The following MYOM2 variants were observed in gnomAD, a reference collection of about 807,000 sequenced individuals.
MYOM2 encodes myomesin-2.
Under a neutral mutation model 187.6 loss-of-function variants are expected in MYOM2, and 254 were observed. That is an observed-to-expected ratio of 1.35 (90% CI 1.22 to 1.50). The LOEUF (loss-of-function observed/expected upper bound fraction) is 1.50, where lower values mean the gene tolerates loss of function less well. Among genes scored for constraint, MYOM2 ranks in the 40% most tolerant of loss-of-function variants. MYOM2 has a pLI of 0.00. For missense variants in MYOM2, 2,796 were observed against 1,924.0 expected, an observed-to-expected ratio of 1.45 and a Z score of -8.48; for synonymous variants, 981 against 753.8, an observed-to-expected ratio of 1.30 and a Z score of -4.94.
At chr8:2,125,521 C>T (rs759520396) in intron 31 of MYOM2, among the ~76,000 whole-genome samples, 1 of 151,790 alleles carries the variant, frequency 6.6e-6, no homozygotes, top group Admixed American at 6.6e-5. Flanking sequence ...AGTGCGATGC[C>T]TCCAGCTTTG....
At chr8:2,051,521 G>A (rs776232743) in intron 2 of MYOM2, among the ~76,000 whole-genome samples, 1 of 152,236 alleles carries the variant, frequency 6.6e-6, no homozygotes, top group Non-Finnish European at 1.5e-5. Flanking sequence ...CCAGGTGCCT[G>A]CCTCATGTCA....
rs1451482849 is a variant in MYOM2 at position 2,144,940 on chromosome 8, C to G, written c.4357C>G (p.Pro1453Ala). ...PDMAPPQQAK[P>A]KLIPASASAA... ...CATGGCCCCGCCCCAGCAAGCCAAG[C>G]CCAAGCTCATCCCCGCGTCTGCCTC... is the stretch of plus-strand genomic sequence containing the variant. Residue 1453 changes from proline to alanine, a missense_variant, in exon 37 of 37, where the codon CCC (proline) becomes GCC (alanine). By Grantham distance (27) the Pro-to-Ala change is conservative (BLOSUM62 -1). Transcript: ENST00000262113. The G allele has an allele frequency of 6.2e-7, 1 of 1,614,190 alleles. No individual in the cohort carries two copies. The highest frequency in any genetic ancestry group is 1.7e-5 in the Admixed American group (1 of 60,024).
intron 14 of MYOM2, among the ~76,000 whole-genome samples, chr8:2,086,538 G>GGCCACACACTGTCATGATCT (rs1796081909): frequency 1.2e-5 from 1 of 80,262 alleles, no homozygotes; most frequent in Non-Finnish European, 3.2e-5. Context: ...TGTCGTGTTT[G>GGCCACACACTGTCATGATCT]CTGTGTTTTA....
chr8:2,073,398 C>G lies in MYOM2; in HGVS notation c.1018C>G (p.Leu340Val). 4 of 1,613,434 alleles carry G rather than the reference C, an allele frequency of 2.5e-6. No homozygotes were observed. Among genetic ancestry groups the G allele is most frequent in the Non-Finnish European group, 3.4e-6 (4 of 1,179,788 alleles). The change falls in exon 10 of 37, where the codon CTG (leucine) becomes GTG (valine). Residue 340 changes from leucine (L) to valine (V), a missense_variant. Coordinates refer to ENST00000262113, the MANE Select transcript of MYOM2 (RefSeq NM_003970.4). The part of the protein sequence containing the change: ...KMFFGEGQAS[L>V]SFSHLHKDDE... The stretch of plus-strand genomic sequence containing the variant: ...GTTCTTTGGAGAAGGCCAGGCCTCC[C>G]TGTCCTTCAGCCACCTGCACAAGGA...
chr8:2,127,548 A>AG (rs1438677498), intron 31 of MYOM2, among the ~76,000 whole-genome samples: 1 of 152,204 alleles, frequency 6.6e-6, no homozygotes, highest in East Asian at 1.9e-4. Context: ...AGCGGGGTTT[A>AG]GGGAGGTGTG....
intron 2 of MYOM2, 95 bp from the exon 3 acceptor site, chr8:2,052,063 G>A: frequency 6.6e-7 from 1 of 1,510,828 alleles, no homozygotes; most frequent in Non-Finnish European, 9.1e-7. Flanking sequence ...TATACCAGTG[G>A]TTTGGGGTGT....
intron 1 of MYOM2, among the ~76,000 whole-genome samples, chr8:2,050,155 C>G (rs1470727667): frequency 1.3e-5 from 2 of 152,166 alleles, no homozygotes; most frequent in Non-Finnish European, 2.9e-5. Context: ...GATTTCTGGT[C>G]ACACCCACCC....
At position 2,085,372 on chromosome 8, in the gene MYOM2, C is replaced by G. The variant is rs752177653; in HGVS notation, c.1626C>G (p.Leu542=). The G allele has an allele frequency of 3.1e-6, 5 of 1,612,526 alleles. No individual in the cohort carries two copies. The highest frequency in any genetic ancestry group is 4.2e-6 in the Non-Finnish European group (5 of 1,179,592). The change falls in exon 14 of 37, where the codon CTC becomes CTG. Residue 542 remains leucine (L), a synonymous_variant. Coordinates refer to ENST00000262113, the MANE Select transcript of MYOM2 (RefSeq NM_003970.4). ...EPPTPRGKDP[L]MYFIEKSVVG... is the part of the protein sequence containing the mutation. ...CCACTCCCCGTGGCAAGGACCCGCT[C>G]ATGTACTTCATTGAGAAGGTAAACT... is the stretch of plus-strand genomic sequence containing the variant.
intron 31 of MYOM2, among the ~76,000 whole-genome samples, chr8:2,125,296 C>T (rs1326182103): frequency 6.6e-6 from 1 of 152,210 alleles, no homozygotes; most frequent in African/African-American, 2.4e-5. Context: ...CAATTTCACT[C>T]TTCTGCATGT....
chr8:2,055,379 T>G (rs1252934686), intron 3 of MYOM2, among the ~76,000 whole-genome samples: 1 of 152,038 alleles, frequency 6.6e-6, no homozygotes, highest in Admixed American at 6.6e-5. Context: ...ACCCCTGTGC[T>G]GAAAGCAGGA....
At chr8:2,118,553 G>A (rs927774175) in intron 28 of MYOM2, among the ~76,000 whole-genome samples, 1 of 152,208 alleles carries the variant, frequency 6.6e-6, no homozygotes, top group South Asian at 2.1e-4. Context: ...TTTCAATAAA[G>A]AGATGATTCG....
At chr8:2,112,841 T>A (rs1048598041) in intron 25 of MYOM2, among the ~76,000 whole-genome samples, 6 of 152,214 alleles carry the variant, frequency 3.9e-5, no homozygotes, top group Admixed American at 3.9e-4. Context: ...CAGATAGAAA[T>A]TCTCTGCAGT....
intron 10 of MYOM2, among the ~76,000 whole-genome samples, chr8:2,074,687 A>G (rs1185599830): frequency 6.6e-6 from 1 of 152,084 alleles, no homozygotes; most frequent in Non-Finnish European, 1.5e-5. Context: ...ACTCTTGATC[A>G]TAAGTGATTG....
intron 18 of MYOM2, among the ~76,000 whole-genome samples, chr8:2,097,758 C>A (rs973483485): frequency 6.6e-6 from 1 of 152,200 alleles, no homozygotes; most frequent in Admixed American, 6.5e-5. Flanking sequence ...CTCAGGTGAT[C>A]TGCCCGCCTC....
intron 10 of MYOM2, among the ~76,000 whole-genome samples, chr8:2,073,714 G>A (rs1375630566): frequency 6.6e-6 from 1 of 152,202 alleles, no homozygotes; most frequent in Non-Finnish European, 1.5e-5. Context: ...GACACAATCC[G>A]GAATAGACCA....
chr8:2,139,058 C>T (rs1452704695), intron 32 of MYOM2, among the ~76,000 whole-genome samples: 2 of 55,228 alleles, frequency 3.6e-5, no homozygotes, highest in Admixed American at 4.4e-4. Context: ...ACCCGACACA[C>T]ACTGCCAGCA....
At position 2,086,396 on chromosome 8, in the gene MYOM2, T is replaced by TGATCTCCGCGTGGCCCCCCACAGTC. The variant is rs1796058769; in HGVS notation, c.1644+1007_1644+1008insATCTCCGCGTGGCCCCCCACAGTCG. 2.2e-3 allele frequency among the ~76,000 whole-genome samples: 13 copies of TGATCTCCGCGTGGCCCCCCACAGTC among 5,986 alleles called. 1 individual carries two copies. The highest frequency in any genetic ancestry group is 0.034 in the East Asian group (2 of 58). 3.9% of individuals were successfully genotyped at this position (5,986 alleles called of 152,430 possible). The stretch of plus-strand genomic sequence containing the variant: ...TGATCTCTGCGTGGCCTCCCACTGT[T>TGATCTCCGCGTGGCCCCCCACAGTC]GTGATCTCTGCGTGGCCTCCCACTG... On this transcript the variant is annotated intron_variant, in intron 14 of 36. Transcript: ENST00000262113.
intron 6 of MYOM2, among the ~76,000 whole-genome samples, chr8:2,064,217 G>C (rs1354893494): frequency 2.6e-5 from 4 of 152,208 alleles, no homozygotes; most frequent in Admixed American, 2.6e-4. Flanking sequence ...AACCCTGGGA[G>C]GCAGGGCAAG....
intron 3 of MYOM2, among the ~76,000 whole-genome samples, chr8:2,053,498 A>G (rs144710756): frequency 5.6e-4 from 85 of 152,322 alleles, no homozygotes; most frequent in African/African-American, 1.3e-3. Flanking sequence ...ACTTGAACAT[A>G]TTGCATAAAC....
Sources: allele counts gnomAD v4.1 joint callset (sites outside exome capture counted in the v4.1 genomes callset), GRCh38; gene constraint gnomAD v4.1.1; transcripts MANE v1.5; gene names NCBI Gene and HGNC (gene_info 2026-07-23, HGNC 2026-07-21).